R3HDML: variants seen among roughly 807,000 people sequenced by gnomAD.
R3HDML encodes the protein peptidase inhibitor R3HDML.
R3HDML carries 21 observed loss-of-function variants against 24.2 expected under a neutral mutation model. That is an observed-to-expected ratio of 0.87 (90% CI 0.62 to 1.25). R3HDML has a LOEUF of 1.25. R3HDML is among the 50% of genes most tolerant of loss of function. The pLI is 0.00. For missense variants in R3HDML, 301 were observed against 340.3 expected, an observed-to-expected ratio of 0.88 and a Z score of 0.91; for synonymous variants, 133 against 131.5, an observed-to-expected ratio of 1.01 and a Z score of -0.08.
At chr20:44,338,236 C>T (rs182067747) in intron 1 of R3HDML, among the ~76,000 whole-genome samples, 153 of 152,170 alleles carry the variant, frequency 1.0e-3, no homozygotes, top group Middle Eastern at 3.4e-3. Context: ...ACATGCCACT[C>T]GATAGCCTGA....
intron 1 of R3HDML, among the ~76,000 whole-genome samples, chr20:44,338,310 T>C (rs2062763145): frequency 2.0e-5 from 3 of 152,214 alleles, no homozygotes; most frequent in Admixed American, 2.0e-4. Flanking sequence ...CCAGGCACCG[T>C]GCTAAGCCTT....
At chr20:44,348,454 CCCTTTT>C (rs1359183873) in intron 4 of R3HDML, among the ~76,000 whole-genome samples, 2 of 144,882 alleles carry the variant, frequency 1.4e-5, no homozygotes, top group African/African-American at 2.5e-5. Context: ...TTTTTCCTTT[CCCTTTT>C]CCCCTTTCTC....
At position 44,343,581 on chromosome 20, in the gene R3HDML, G is replaced by C. The variant is rs2062778071; in HGVS notation, c.513+72G>C. ...CGCCTTAGAAGAAAAGGAATGTGTG[G>C]AGCAGAAATAAGAATGCAAACAAAG... On this transcript the variant is annotated intron_variant, in intron 3 of 4. Transcript: ENST00000217043. The C allele has an allele frequency of 2.1e-6, 3 of 1,440,794 alleles. No homozygotes were observed. The African/African-American group carries it at 4.4e-5, about 21-fold the overall frequency. The allele number at this position is 1,440,794 out of a possible 1,614,324, so 89.3% of individuals were successfully genotyped here.
rs530093607 is a variant in R3HDML at position 44,340,658 on chromosome 20, C to T, written c.262-538C>T. Among the ~76,000 whole-genome samples the T allele has an allele frequency of 7.9e-5, 12 of 152,002 alleles. No individual in the cohort carries two copies. The South Asian group carries it at 2.3e-3, about 29-fold the overall frequency. On this transcript the variant is annotated intron_variant, in intron 1 of 4. Coordinates refer to ENST00000217043, the MANE Select transcript of R3HDML (RefSeq NM_178491.4). ...AAAATTAGCCAGGTGTGGTGGCATG[C>T]GCCTGCAGTCCCAGCTACTCAGGAG...
Position 44,343,492 on chromosome 20 carries a change from T to C in R3HDML, c.496T>C (p.Cys166Arg), listed in dbSNP as rs374777931. The change falls in exon 3 of 5, where the codon TGC becomes CGC. Residue 166 changes from cysteine (C) to arginine (R), a missense_variant. By Grantham distance (180) the Cys-to-Arg change is radical (BLOSUM62 -3). Transcript: ENST00000217043. ...CCCCTGGCGCTGCGATGGCCCCACC[T>C]GCTCCCATTATACCCAGGTACTCCT... is the stretch of plus-strand genomic sequence containing the variant. ...HCPWRCDGPTCSHYTQMVWAS... is the reference protein window; with the variant it reads ...HCPWRCDGPTRSHYTQMVWAS... 1.2e-5 allele frequency: 19 copies of C among 1,609,686 alleles called. No homozygotes were observed. In the African/African-American group the frequency reaches 2.4e-4, roughly 20 times the overall value.
chr20:44,349,071 G>A lies in R3HDML; in HGVS notation c.630-1589G>A, dbSNP rs144296811. Among the ~76,000 whole-genome samples, 1,035 of 151,902 alleles carry A rather than the reference G, an allele frequency of 6.8e-3. 21 individuals are homozygous for A. The highest frequency in any genetic ancestry group is 0.024 in the African/African-American group (1,001 of 41,392). ...GAACCCGGGAGGCGGAGTCTGCAGT[G>A]ACCTGAGATCATGCCACTGCACTCT... is the stretch of plus-strand genomic sequence containing the variant. On this transcript the variant is annotated intron_variant, in intron 4 of 4. Coordinates refer to ENST00000217043, the MANE Select transcript of R3HDML (RefSeq NM_178491.4).
intron 4 of R3HDML, among the ~76,000 whole-genome samples, chr20:44,346,085 G>GCTGGGATTA (rs1199409339): frequency 6.6e-6 from 1 of 152,182 alleles, no homozygotes; most frequent in Non-Finnish European, 1.5e-5. Flanking sequence ...CTCCCAAAGT[G>GCTGGGATTA]CTGGGATTAC....
At chr20:44,342,270 G>A (rs975702391) in intron 2 of R3HDML, among the ~76,000 whole-genome samples, 2 of 152,146 alleles carry the variant, frequency 1.3e-5, no homozygotes, top group Non-Finnish European at 2.9e-5. Flanking sequence ...GGGGAGAGTG[G>A]GAAAGAATTA....
chr20:44,341,653 G>A (rs927298940), intron 2 of R3HDML, among the ~76,000 whole-genome samples: 3 of 152,192 alleles, frequency 2.0e-5, no homozygotes, highest in Admixed American at 2.0e-4. Context: ...GGGAGGCTGA[G>A]GTGGGCAGAT....
At position 44,350,898 on chromosome 20, in the gene R3HDML, G is replaced by C; in HGVS notation, c.*106G>C. ...TTGTTTCTTTAAAGGATATGAGTTA[G>C]AATCACCCCCTGTTGAATTTTCCCT... On this transcript the variant is annotated 3_prime_UTR_variant, in exon 5 of 5. Coordinates refer to ENST00000217043, the MANE Select transcript of R3HDML (RefSeq NM_178491.4). 7.4e-7 allele frequency: 1 copy of C among 1,355,324 alleles called. No homozygotes were observed. The highest frequency in any genetic ancestry group is 1.0e-6 in the Non-Finnish European group (1 of 979,610). 84.0% of individuals were successfully genotyped at this position (1,355,324 alleles called of 1,614,324 possible).
chr20:44,341,809 T>C (rs6031531), intron 2 of R3HDML, among the ~76,000 whole-genome samples: 15,609 of 152,154 alleles, frequency 0.1, 952 homozygotes, highest in Middle Eastern at 0.17. Flanking sequence ...CACTTGAACC[T>C]GGGAGGTGGA....
chr20:44,341,899 CAATAA>C (rs775323306), intron 2 of R3HDML, among the ~76,000 whole-genome samples: 8 of 151,796 alleles, frequency 5.3e-5, no homozygotes. Flanking sequence ...ATAATAATGT[CAATAA>C]AATAAAATAA....
At position 44,337,529 on chromosome 20, in the gene R3HDML, C is replaced by A; in HGVS notation, c.261+111C>A. 8.5e-7 allele frequency: 1 copy of A among 1,182,268 alleles called. No homozygotes were observed. The highest frequency in any genetic ancestry group is 1.2e-6 in the Non-Finnish European group (1 of 832,224). 73.2% of individuals were successfully genotyped at this position (1,182,268 alleles called of 1,614,324 possible). A position where few individuals can be genotyped will look rare whatever the true frequency, so the allele number is the denominator to read the frequency against. On this transcript the variant is annotated intron_variant, in intron 1 of 4. Coordinates refer to ENST00000217043, the MANE Select transcript of R3HDML (RefSeq NM_178491.4). The surrounding 1 kb of genome is among the most constrained non-coding windows in gnomAD (Gnocchi z 4.7). ...TTTGAAGAGCTGGACCACTTGCCTG[C>A]CTGGCCCCACTAGCCAGTATCTGGG...
At position 44,343,317 on chromosome 20, in the gene R3HDML, G is replaced by A. The variant is rs2062776883; in HGVS notation, c.381-60G>A. 2.5e-6 allele frequency: 4 copies of A among 1,589,530 alleles called. No individual in the cohort carries two copies. In the South Asian group the frequency reaches 3.4e-5, roughly 14 times the overall value. On this transcript the variant is annotated intron_variant, in intron 2 of 4. Coordinates refer to ENST00000217043, the MANE Select transcript of R3HDML (RefSeq NM_178491.4). ...ATCACCCAAGGTCACCAGCAAGTTGGCGGCCGAGCCACTTTTCCATCCTCT... is the reference window on the plus strand; with the variant it reads ...ATCACCCAAGGTCACCAGCAAGTTGACGGCCGAGCCACTTTTCCATCCTCT...
At chr20:44,345,818 T>C (rs556365960) in intron 4 of R3HDML, among the ~76,000 whole-genome samples, 1 of 150,796 alleles carries the variant, frequency 6.6e-6, no homozygotes, top group South Asian at 2.1e-4. Flanking sequence ...CCATTTTTTC[T>C]TTCTTTCTTT....
chr20:44,349,186 AAAAAT>A (rs1429147417), intron 4 of R3HDML, among the ~76,000 whole-genome samples: 2 of 147,522 alleles, frequency 1.4e-5, no homozygotes. Flanking sequence ...AAAATAAAAT[AAAAAT>A]AGCCTCTGTG....
intron 1 of R3HDML, among the ~76,000 whole-genome samples, chr20:44,340,624 G>A (rs2062769734): frequency 6.6e-6 from 1 of 151,914 alleles, no homozygotes; most frequent in East Asian, 2.0e-4. Flanking sequence ...GCAAAACCCT[G>A]TCTCTACAAA....
chr20:44,341,741 C>A (rs554885064), intron 2 of R3HDML, among the ~76,000 whole-genome samples: 1 of 152,042 alleles, frequency 6.6e-6, no homozygotes, highest in Non-Finnish European at 1.5e-5. Flanking sequence ...AAAAATTAGC[C>A]CAGTGTGGTG....
At chr20:44,340,710 C>T (rs1398632272) in intron 1 of R3HDML, among the ~76,000 whole-genome samples, 1 of 152,062 alleles carries the variant, frequency 6.6e-6, no homozygotes, top group Non-Finnish European at 1.5e-5. Flanking sequence ...CGCCTCTCAC[C>T]TCACCACCTC....
Sources: gnomAD v4.1 joint callset for allele counts (sites outside exome capture counted in the v4.1 genomes callset) on GRCh38, gnomAD v4.1.1 for gene constraint, Gnocchi (gnomAD v3.1) non-coding constraint, MANE v1.5 for transcripts, NCBI Gene and HGNC (gene_info 2026-07-23, HGNC 2026-07-21) for gene names.